Variants in DSCAM observed in about 807,000 individuals in gnomAD.
DSCAM encodes the protein cell adhesion molecule DSCAM.
DSCAM carries 47 observed loss-of-function variants against 217.7 expected under a neutral mutation model. That is an observed-to-expected ratio of 0.22 (90% CI 0.17 to 0.28). DSCAM has a LOEUF of 0.28. Among genes scored for constraint, DSCAM ranks in the 10% least tolerant of loss-of-function variants. The pLI, the probability that DSCAM is intolerant of heterozygous loss-of-function variation, is 1.00. For synonymous variants in DSCAM, 1,056 were observed against 1,015.3 expected, an observed-to-expected ratio of 1.04 and a Z score of -0.76; for missense variants, 2,080 against 2,618.3, an observed-to-expected ratio of 0.79 and a Z score of 4.49.
At chr21:40,369,332 T>A in intron 3 of DSCAM, 87 bp from the exon 4 acceptor site, 1 of 1,366,400 alleles carries the variant, frequency 7.3e-7, no homozygotes, top group South Asian at 1.5e-5. Context: ...GTTTTTTTTT[T>A]CCCCCACCTG....
At chr21:40,701,987 G>A (rs1419927521) in intron 2 of DSCAM, among the ~76,000 whole-genome samples, 2 of 152,060 alleles carry the variant, frequency 1.3e-5, no homozygotes, top group Non-Finnish European at 2.9e-5. Context: ...TGTTCTTACT[G>A]ATTTTCTGTC....
intron 3 of DSCAM, among the ~76,000 whole-genome samples, chr21:40,522,668 GAT>G (rs2076368376): frequency 6.6e-6 from 1 of 152,170 alleles, no homozygotes; most frequent in South Asian, 2.1e-4. Flanking sequence ...TGATAGGTGT[GAT>G]CGTCATGAGC....
rs1031024521 is a variant in DSCAM, at chr21:40,650,120, C to CT, written c.508+42689dup. Among the ~76,000 whole-genome samples, 88 of 151,728 alleles carry CT rather than the reference C, an allele frequency of 5.8e-4. 2 individuals are homozygous for CT. The East Asian group carries it at 0.011, about 19-fold the overall frequency. ...GGTGCTATAAAATCACTGACGGGGACTTTTTTTTTCTTTTTTTAATTGAAC... is the reference window on the plus strand; with the variant it reads ...GGTGCTATAAAATCACTGACGGGGACTTTTTTTTTTCTTTTTTTAATTGAAC... On this transcript the variant is annotated intron_variant, in intron 3 of 32. Coordinates refer to ENST00000400454, the MANE Select transcript of DSCAM (RefSeq NM_001389.5).
chr21:40,596,268 T>C (rs776415925), intron 3 of DSCAM, among the ~76,000 whole-genome samples: 163 of 152,136 alleles, frequency 1.1e-3, no homozygotes, highest in Non-Finnish European at 2.0e-3. Flanking sequence ...TCGGTACCAC[T>C]CTCCAGCTTT....
intron 1 of DSCAM, among the ~76,000 whole-genome samples, chr21:40,838,740 A>G (rs1237429599): frequency 6.6e-6 from 1 of 152,198 alleles, no homozygotes; most frequent in Non-Finnish European, 1.5e-5. Flanking sequence ...CAAAATGCCA[A>G]TTTCATAGTC....
rs187015515 is a variant in DSCAM at position 40,648,808 on chromosome 21, C to T, written c.508+44002G>A. Among the ~76,000 whole-genome samples, 414 of 152,282 alleles carry T rather than the reference C, an allele frequency of 2.7e-3. 5 individuals carry two copies. Among genetic ancestry groups the T allele is most frequent in the Non-Finnish European group, 1.6e-3 (110 of 68,032 alleles). The stretch of plus-strand genomic sequence containing the variant: ...GGGGACCACCCACTGTATCCCCTCT[C>T]CACTGATAGCTGTTCCATCACTCAA... On this transcript the variant is annotated intron_variant, in intron 3 of 32. Transcript: ENST00000400454.
Position 40,411,173 on chromosome 21 carries a change from TATACACACACACAC to T in DSCAM, c.509-41942_509-41929del, listed in dbSNP as rs1409968298. On this transcript the variant is annotated intron_variant, in intron 3 of 32. Transcript: ENST00000400454. ...ATTACTTGAAGATAGACAGTAATTA[TATACACACACACAC>T]ACACACACACACACACACACACACA... Among the ~76,000 whole-genome samples the T allele has an allele frequency of 4.3e-3, 586 of 134,844 alleles. 7 individuals carry two copies. The highest frequency in any genetic ancestry group is 0.024 in the East Asian group (111 of 4,594). 88.5% of individuals were successfully genotyped at this position (134,844 alleles called of 152,430 possible). A position where few individuals can be genotyped will look rare whatever the true frequency, so the allele number is the denominator to read the frequency against.
At chr21:40,753,278 G>A (rs1236003621) in intron 1 of DSCAM, among the ~76,000 whole-genome samples, 1 of 152,162 alleles carries the variant, frequency 6.6e-6, no homozygotes, top group African/African-American at 2.4e-5. Context: ...GGAAAATCTG[G>A]TTGTCCATGG....
rs548224583 is a variant in DSCAM at position 40,544,942 on chromosome 21, G to A, written c.508+147868C>T. On this transcript the variant is annotated intron_variant, in intron 3 of 32. Transcript: ENST00000400454. ...AAAAAAAAAAAAAGGTAGAATAGGC[G>A]CCAGAATTCAAAATTTAGGAACCTA... Among the ~76,000 whole-genome samples, 29 of 151,116 alleles carry A rather than the reference G, an allele frequency of 1.9e-4. No homozygotes were observed. The South Asian group carries it at 2.1e-3, about 11-fold the overall frequency.
chr21:40,189,254 G>A lies in DSCAM; in HGVS notation c.2357-16C>T. The A allele has an allele frequency of 1.3e-6, 2 of 1,540,760 alleles. No homozygotes were observed. Among genetic ancestry groups the A allele is most frequent in the Non-Finnish European group, 1.7e-6 (2 of 1,145,018 alleles). On this transcript the variant is annotated splice_polypyrimidine_tract_variant and intron_variant, in intron 11 of 32. Transcript: ENST00000400454. Reference sequence around the variant, plus strand: ...ATCGCAGGAACTGAAAAAGCAAAAGGGACACAACTTGTTCAGCAAAGCAGG... The same window carrying A: ...ATCGCAGGAACTGAAAAAGCAAAAGAGACACAACTTGTTCAGCAAAGCAGG...
At chr21:40,143,827 G>C (rs1041432025) in intron 17 of DSCAM, among the ~76,000 whole-genome samples, 1 of 152,182 alleles carries the variant, frequency 6.6e-6, no homozygotes, top group African/African-American at 2.4e-5. Flanking sequence ...AACTGCACAA[G>C]AGGTAAATGT....
chr21:40,552,465 G>T (rs2076638393), intron 3 of DSCAM, among the ~76,000 whole-genome samples: 1 of 152,178 alleles, frequency 6.6e-6, no homozygotes. Context: ...CTAGAAATAG[G>T]GGTTTACTGA....
At chr21:40,244,451 C>T (rs112978972) in intron 11 of DSCAM, among the ~76,000 whole-genome samples, 2,441 of 139,244 alleles carry the variant, frequency 0.018, 84 homozygotes, top group African/African-American at 0.062. Context: ...ACTCCGTCTC[C>T]GGAAAAAAAA....
At chr21:40,801,126 T>C (rs2123499075) in intron 1 of DSCAM, among the ~76,000 whole-genome samples, 1 of 152,114 alleles carries the variant, frequency 6.6e-6, no homozygotes, top group Admixed American at 6.5e-5. Context: ...TAATTTTTTG[T>C]GTCTTTAGTA....
chr21:40,376,151 T>C lies in DSCAM; in HGVS notation c.509-6906A>G, dbSNP rs1333906208. 2.6e-5 allele frequency among the ~76,000 whole-genome samples: 4 copies of C among 152,182 alleles called. No homozygotes were observed. In the East Asian group the frequency reaches 5.8e-4, roughly 22 times the overall value. ...AGTTAATAGCAATTGAAAGAAGAGA[T>C]GGCTCTGCTAATAAGATGTTAAATG... is the stretch of plus-strand genomic sequence containing the variant. On this transcript the variant is annotated intron_variant, in intron 3 of 32. Transcript: ENST00000400454.
chr21:40,617,454 G>A (rs1166471667), intron 3 of DSCAM, among the ~76,000 whole-genome samples: 1 of 152,076 alleles, frequency 6.6e-6, no homozygotes, highest in Non-Finnish European at 1.5e-5. Context: ...TGTTGCTGCT[G>A]CCATCACAGA....
At chr21:40,141,609 C>T (rs1203512517) in intron 18 of DSCAM, among the ~76,000 whole-genome samples, 1 of 151,918 alleles carries the variant, frequency 6.6e-6, no homozygotes, top group African/African-American at 2.4e-5. Context: ...CAGAGGGAGA[C>T]CCTGTCTCAA....
chr21:40,102,364 C>T (rs1328346101), intron 20 of DSCAM, among the ~76,000 whole-genome samples: 3 of 152,174 alleles, frequency 2.0e-5, no homozygotes, highest in Admixed American at 2.0e-4. Flanking sequence ...TTGTGACACC[C>T]AAGCCAGAGC....
chr21:40,109,279 A>G (rs1462495542), intron 20 of DSCAM, among the ~76,000 whole-genome samples: 1 of 151,928 alleles, frequency 6.6e-6, no homozygotes, highest in East Asian at 1.9e-4. Flanking sequence ...AGCCTTTATA[A>G]GAAACGTAAA....
Sources: gnomAD v4.1 joint callset for allele counts (sites outside exome capture counted in the v4.1 genomes callset) on GRCh38, gnomAD v4.1.1 for gene constraint, MANE v1.5 for transcripts, NCBI Gene and HGNC (gene_info 2026-07-23, HGNC 2026-07-21) for gene names.